Variants in SNX9 observed in about 807,000 individuals in gnomAD.
The protein encoded by SNX9 is sorting nexin-9.
A neutral mutation model predicts 89.4 loss-of-function variants in SNX9; 44 were observed. The observed-to-expected ratio is 0.49, with a 90% confidence interval of 0.39 to 0.63. The LOEUF (loss-of-function observed/expected upper bound fraction) is 0.63, where lower values mean the gene tolerates loss of function less well. SNX9 is among the 30% of genes least tolerant of loss of function. SNX9 has a pLI of 0.00. For missense variants in SNX9, 578 were observed against 736.1 expected (o/e 0.79, Z 2.49); for synonymous variants, 236 against 247.8 (o/e 0.95, Z 0.45).
At chr6:157,864,342 G>C (rs1297918385) in intron 1 of SNX9, among the ~76,000 whole-genome samples, 2 of 152,126 alleles carry the variant, frequency 1.3e-5, no homozygotes, top group Non-Finnish European at 2.9e-5. Context: ...CCACTGCCTT[G>C]GGGGTTCAGT....
intron 13 of SNX9, among the ~76,000 whole-genome samples, chr6:157,933,350 T>C (rs1019357316): frequency 1.3e-5 from 2 of 152,302 alleles, no homozygotes; most frequent in South Asian, 4.1e-4. Context: ...AAATCTGTTA[T>C]CTCCTGTCAC....
At chr6:157,917,898 T>G (rs1783507158) in intron 9 of SNX9, among the ~76,000 whole-genome samples, 1 of 152,174 alleles carries the variant, frequency 6.6e-6, no homozygotes, top group South Asian at 2.1e-4. Context: ...GAGAACCAAC[T>G]CTATGTTTAA....
intron 5 of SNX9, among the ~76,000 whole-genome samples, chr6:157,898,158 T>C (rs1326397751): frequency 6.6e-6 from 1 of 152,260 alleles, no homozygotes; most frequent in East Asian, 1.9e-4. Context: ...AATACCACTC[T>C]GGGTCATTGA....
At chr6:157,919,430 A>G (rs1208110092) in intron 9 of SNX9, among the ~76,000 whole-genome samples, 1 of 151,162 alleles carries the variant, frequency 6.6e-6, no homozygotes, top group African/African-American at 2.4e-5. Context: ...ACTTCTGTTG[A>G]TCTATCTTCA....
intron 1 of SNX9, among the ~76,000 whole-genome samples, chr6:157,833,764 G>A (rs1781518894): frequency 6.6e-6 from 1 of 152,172 alleles, no homozygotes; most frequent in Non-Finnish European, 1.5e-5. Flanking sequence ...TCAGATTTTA[G>A]AGTCAAGAGT....
At chr6:157,924,939 A>T (rs1783659290) in intron 10 of SNX9, among the ~76,000 whole-genome samples, 1 of 152,260 alleles carries the variant, frequency 6.6e-6, no homozygotes, top group South Asian at 2.1e-4. Flanking sequence ...GAAAAGCAAC[A>T]TAGTAATGCT....
intron 1 of SNX9, among the ~76,000 whole-genome samples, chr6:157,834,134 TGTG>T (rs1164012008): frequency 6.9e-6 from 1 of 144,274 alleles, no homozygotes; most frequent in Non-Finnish European, 1.5e-5. Flanking sequence ...GATCCTGCCA[TGTG>T]GTGTCCACTG....
intron 1 of SNX9, among the ~76,000 whole-genome samples, chr6:157,833,264 T>A (rs986072891): frequency 5.9e-5 from 9 of 152,192 alleles, no homozygotes; most frequent in Non-Finnish European, 1.3e-4. Context: ...TAATGAATAT[T>A]TGCTGCTTTT....
intron 1 of SNX9, among the ~76,000 whole-genome samples, chr6:157,846,177 T>C (rs1781803957): frequency 6.6e-6 from 1 of 152,278 alleles, no homozygotes; most frequent in South Asian, 2.1e-4. Flanking sequence ...GCAAAATCTC[T>C]TCCTTTGTCC....
rs114387445 is a variant in SNX9, at chr6:157,851,739, G to A, written c.13-15808G>A. On this transcript the variant is annotated intron_variant, in intron 1 of 17. Coordinates refer to ENST00000392185, the MANE Select transcript of SNX9 (RefSeq NM_016224.5). ...CGAGTAGCTGGGATTACAGGCGTTC[G>A]CTACCACACCCAGCTAATTTTTTGT... 6.8e-3 allele frequency among the ~76,000 whole-genome samples: 1,039 copies of A among 152,070 alleles called. 13 individuals are homozygous for A. Among genetic ancestry groups the A allele is most frequent in the African/African-American group, 0.024 (989 of 41,470 alleles).
rs548072128 is a variant in SNX9, at chr6:157,908,091, TA to T, written c.706-1563del. Among the ~76,000 whole-genome samples, 1,041 of 148,540 alleles carry T rather than the reference TA, an allele frequency of 7.0e-3. 12 individuals are homozygous for T. The highest frequency in any genetic ancestry group is 0.024 in the African/African-American group (971 of 40,746). On this transcript the variant is annotated intron_variant, in intron 7 of 17. Coordinates refer to ENST00000392185, the MANE Select transcript of SNX9 (RefSeq NM_016224.5). ...CAATCCGCTTTTCCCATCTTCCTCT[TA>T]AAAAAAAAAATTAGGACTGGGTATA...
At chr6:157,865,208 A>G (rs1485878853) in intron 1 of SNX9, among the ~76,000 whole-genome samples, 1 of 149,506 alleles carries the variant, frequency 6.7e-6, no homozygotes, top group Non-Finnish European at 1.5e-5. Flanking sequence ...GTGTGGTGGT[A>G]GGCGCCTGTA....
chr6:157,938,760 G>A lies in SNX9; in HGVS notation c.1648+13G>A. Reference sequence around the variant, plus strand: ...TACGCGTTGCAAGGTAAGATGAAAGGGTCCTTATGAGGTGCTGGTGGAAGT... The same window carrying A: ...TACGCGTTGCAAGGTAAGATGAAAGAGTCCTTATGAGGTGCTGGTGGAAGT... On this transcript the variant is annotated intron_variant, in intron 16 of 17. Transcript: ENST00000392185. The A allele has an allele frequency of 6.3e-7, 1 of 1,598,790 alleles. No homozygotes were observed. Among genetic ancestry groups the A allele is most frequent in the Non-Finnish European group, 8.5e-7 (1 of 1,169,802 alleles).
intron 9 of SNX9, among the ~76,000 whole-genome samples, chr6:157,916,021 G>GT (rs1179648436): frequency 1.3e-5 from 2 of 150,286 alleles, no homozygotes; most frequent in East Asian, 2.0e-4. Context: ...GGATTCTTTG[G>GT]TTTTTTTGTC....
At chr6:157,920,920 A>G (rs182557054) in intron 9 of SNX9, among the ~76,000 whole-genome samples, 9 of 152,338 alleles carry the variant, frequency 5.9e-5, no homozygotes, top group African/African-American at 1.9e-4. Context: ...CCATTATTGC[A>G]TTAGTGGAAA....
At chr6:157,857,650 TG>T (rs1324334002) in intron 1 of SNX9, among the ~76,000 whole-genome samples, 2 of 145,790 alleles carry the variant, frequency 1.4e-5, no homozygotes, top group African/African-American at 5.4e-5. Flanking sequence ...AGTTTTTCCT[TG>T]TTTTTTTTTT....
chr6:157,878,536 G>A (rs897701537), intron 4 of SNX9, among the ~76,000 whole-genome samples: 1 of 150,724 alleles, frequency 6.6e-6, no homozygotes, highest in Non-Finnish European at 1.5e-5. Context: ...GGGTTCAAAT[G>A]ATTCTCCTGC....
chr6:157,869,986 TCTCA>T (rs1467924888), intron 2 of SNX9, among the ~76,000 whole-genome samples: 2 of 151,844 alleles, frequency 1.3e-5, no homozygotes, highest in Non-Finnish European at 2.9e-5. Context: ...ACACGTACCT[TCTCA>T]CTCTCACCTC....
intron 9 of SNX9, among the ~76,000 whole-genome samples, chr6:157,914,913 G>A (rs1783430671): frequency 6.6e-6 from 1 of 152,116 alleles, no homozygotes; most frequent in Non-Finnish European, 1.5e-5. Context: ...TTCTTCTAAA[G>A]GTTTTAGGCT....
Sources: gnomAD v4.1 joint callset for allele counts (sites outside exome capture counted in the v4.1 genomes callset) on GRCh38, gnomAD v4.1.1 for gene constraint, MANE v1.5 for transcripts, NCBI Gene and HGNC (gene_info 2026-07-23, HGNC 2026-07-21) for gene names.